Variants in MAP7 observed in about 807,000 individuals in gnomAD.
MAP7 encodes the protein ensconsin.
In MAP7, 52 loss-of-function variants were observed where a neutral mutation model predicts 94.8. The ratio of observed to expected loss-of-function variants is 0.55; its 90% CI spans 0.44 to 0.69. The LOEUF is 0.69. Among genes scored for constraint, MAP7 ranks in the 30% least tolerant of loss-of-function variants. MAP7 has a pLI of 0.00. For missense variants in MAP7, 940 were observed against 964.6 expected, an observed-to-expected ratio of 0.97 and a Z score of 0.34; for synonymous variants, 350 against 357.0, an observed-to-expected ratio of 0.98 and a Z score of 0.22.
At chr6:136,527,339 CATT>C (rs1828054684) in intron 1 of MAP7, among the ~76,000 whole-genome samples, 1 of 152,094 alleles carries the variant, frequency 6.6e-6, no homozygotes, top group Admixed American at 6.5e-5. Flanking sequence ...TAAGAAAAAA[CATT>C]TTTTTTGCTT....
chr6:136,450,248 AT>A (rs1800693991), intron 1 of MAP7, among the ~76,000 whole-genome samples: 1 of 152,208 alleles, frequency 6.6e-6, no homozygotes, highest in Non-Finnish European at 1.5e-5. Flanking sequence ...CACCAACACA[AT>A]TCTAAGTAGA....
intron 1 of MAP7, among the ~76,000 whole-genome samples, chr6:136,546,069 G>A (rs535003304): frequency 9.2e-5 from 14 of 152,272 alleles, no homozygotes; most frequent in Non-Finnish European, 1.6e-4. Context: ...CTGGAGTGCA[G>A]TGGTGCAATC....
chr6:136,420,171 C>T, intron 2 of MAP7: 1 of 957,750 alleles, frequency 1.0e-6, no homozygotes, highest in African/African-American at 1.6e-5. Flanking sequence ...TCATTGTTAT[C>T]TGCAGTGGGC....
chr6:136,437,653 G>T (rs1796728215), intron 1 of MAP7, among the ~76,000 whole-genome samples: 1 of 151,988 alleles, frequency 6.6e-6, no homozygotes, highest in Non-Finnish European at 1.5e-5. Context: ...CATTTCATAG[G>T]AGCCTACAAT....
In MAP7 at chr6:136,532,780, A is replaced by G. The variant is rs139676081; in HGVS notation, c.67+17562T>C. Among the ~76,000 whole-genome samples, 585 of 152,342 alleles carry G rather than the reference A, an allele frequency of 3.8e-3. 4 individuals are homozygous for G. The highest frequency in any genetic ancestry group is 0.013 in the African/African-American group (560 of 41,578). On this transcript the variant is annotated intron_variant, in intron 1 of 17. Coordinates refer to ENST00000354570, the MANE Select transcript of MAP7 (RefSeq NM_003980.6). ...CCTCTCCTTTGCTGTACCTGTGCACATACTTACTCGCATGGCTTCATTTTG... is the reference window on the plus strand; with the variant it reads ...CCTCTCCTTTGCTGTACCTGTGCACGTACTTACTCGCATGGCTTCATTTTG...
chr6:136,485,854 GC>G (rs1418450037), intron 1 of MAP7, among the ~76,000 whole-genome samples: 1 of 152,084 alleles, frequency 6.6e-6, no homozygotes, highest in Non-Finnish European at 1.5e-5. Context: ...GAGCCACCGC[GC>G]CCGGCCACTT....
chr6:136,350,537 T>G (rs1393002165), intron 16 of MAP7, among the ~76,000 whole-genome samples: 2 of 152,186 alleles, frequency 1.3e-5, no homozygotes, highest in Admixed American at 1.3e-4. Context: ...GAAGCTGTTT[T>G]GGGGATGGAT....
At chr6:136,496,332 C>T (rs1009402232) in intron 1 of MAP7, among the ~76,000 whole-genome samples, 4 of 152,194 alleles carry the variant, frequency 2.6e-5, no homozygotes, top group African/African-American at 9.7e-5. Flanking sequence ...TCTCACATCC[C>T]TCATTCCTTT....
intron 1 of MAP7, among the ~76,000 whole-genome samples, chr6:136,536,070 A>G (rs989969132): frequency 1.3e-5 from 2 of 152,182 alleles, no homozygotes; most frequent in Admixed American, 1.3e-4. Flanking sequence ...TACAAAGGAC[A>G]TGAACTCATC....
chr6:136,469,573 T>TTTGCCATG, intron 1 of MAP7, among the ~76,000 whole-genome samples: 1 of 152,080 alleles, frequency 6.6e-6, no homozygotes, highest in South Asian at 2.1e-4. Context: ...GGGAAGGGGT[T>TTTGCCATG]TTGCCATGTT....
chr6:136,487,815 T>C (rs913024768), intron 1 of MAP7, among the ~76,000 whole-genome samples: 4 of 152,202 alleles, frequency 2.6e-5, no homozygotes, highest in African/African-American at 9.7e-5. Flanking sequence ...GCGATTTCTG[T>C]TCACAATTTT....
intron 16 of MAP7, among the ~76,000 whole-genome samples, chr6:136,351,882 C>T (rs1477969214): frequency 6.6e-6 from 1 of 152,158 alleles, no homozygotes; most frequent in African/African-American, 2.4e-5. Context: ...CTTTAGCATA[C>T]ACGTGCTTTT....
intron 3 of MAP7, among the ~76,000 whole-genome samples, chr6:136,397,132 C>A (rs1331238144): frequency 2.6e-5 from 4 of 152,114 alleles, no homozygotes. Context: ...ACAACACTTG[C>A]CAATTGCAGA....
chr6:136,434,596 G>A (rs1795860917), intron 1 of MAP7, among the ~76,000 whole-genome samples: 1 of 147,024 alleles, frequency 6.8e-6, no homozygotes, highest in Non-Finnish European at 1.5e-5. Flanking sequence ...ACTAGGCAAG[G>A]AATTTTTTTT....
At chr6:136,541,072 A>G (rs958342210) in intron 1 of MAP7, among the ~76,000 whole-genome samples, 2 of 152,196 alleles carry the variant, frequency 1.3e-5, no homozygotes, top group Non-Finnish European at 2.9e-5. Flanking sequence ...AAACCAGTCC[A>G]GCTGGAATGC....
At chr6:136,507,771 C>T (rs1822017457) in intron 1 of MAP7, among the ~76,000 whole-genome samples, 1 of 152,136 alleles carries the variant, frequency 6.6e-6, no homozygotes, top group Non-Finnish European at 1.5e-5. Flanking sequence ...TCACTACTAG[C>T]CCTGATTTAT....
chr6:136,428,494 T>G (rs561019692), intron 1 of MAP7, among the ~76,000 whole-genome samples: 1 of 152,154 alleles, frequency 6.6e-6, no homozygotes, highest in Non-Finnish European at 1.5e-5. Flanking sequence ...CACTCCACCC[T>G]GGGTGACAGA....
intron 3 of MAP7, among the ~76,000 whole-genome samples, chr6:136,393,978 ATTTT>A (rs1554242698): frequency 5.5e-5 from 2 of 36,202 alleles, no homozygotes; most frequent in African/African-American, 1.5e-4. Context: ...CAGCAAAGGT[ATTTT>A]TTTTTTTTTT....
chr6:136,465,189 T>C (rs548091193), intron 1 of MAP7, among the ~76,000 whole-genome samples: 1 of 152,344 alleles, frequency 6.6e-6, no homozygotes, highest in East Asian at 1.9e-4. Flanking sequence ...TATCTACTTT[T>C]GCAGGAAATT....
Sources: allele counts gnomAD v4.1 joint callset (sites outside exome capture counted in the v4.1 genomes callset), GRCh38; gene constraint gnomAD v4.1.1; transcripts MANE v1.5; gene names NCBI Gene and HGNC (gene_info 2026-07-23, HGNC 2026-07-21).